Variants in FHIT observed in about 807,000 individuals in gnomAD.
FHIT encodes bis(5'-adenosyl)-triphosphatase.
In FHIT, 19 loss-of-function variants were observed where a neutral mutation model predicts 17.9. That is an observed-to-expected ratio of 1.06 (90% CI 0.74 to 1.56). The LOEUF is 1.56. FHIT is among the 40% of genes most tolerant of loss of function. The pLI, the probability that FHIT is intolerant of heterozygous loss-of-function variation, is 0.00. For missense variants in FHIT, 248 were observed against 189.2 expected (o/e 1.31, Z -1.82); for synonymous variants, 81 against 69.7 (o/e 1.16, Z -0.81).
chr3:60,459,936 G>C (rs888152824), intron 5 of FHIT, among the ~76,000 whole-genome samples: 3 of 152,082 alleles, frequency 2.0e-5, no homozygotes, highest in Non-Finnish European at 2.9e-5. Context: ...CTCTTAAAAA[G>C]GCTATGTACA....
chr3:60,685,283 G>A (rs1483562998), intron 4 of FHIT, among the ~76,000 whole-genome samples: 2 of 151,992 alleles, frequency 1.3e-5, no homozygotes, highest in African/African-American at 2.4e-5. Flanking sequence ...CTTTTCTCCC[G>A]CTGATCTGCC....
intron 5 of FHIT, among the ~76,000 whole-genome samples, chr3:60,505,199 C>A (rs887541311): frequency 6.6e-6 from 1 of 152,036 alleles, no homozygotes; most frequent in South Asian, 2.1e-4. Context: ...AAGGCTAAAC[C>A]AGGTCATCTA....
chr3:60,509,673 T>C (rs2034871200), intron 5 of FHIT, among the ~76,000 whole-genome samples: 2 of 152,234 alleles, frequency 1.3e-5, no homozygotes, highest in East Asian at 1.9e-4. Flanking sequence ...TTTAGTCCTC[T>C]AAGCACATTT....
intron 1 of FHIT, among the ~76,000 whole-genome samples, chr3:61,243,146 C>G (rs1299060734): frequency 6.6e-6 from 1 of 152,110 alleles, no homozygotes; most frequent in Non-Finnish European, 1.5e-5. Context: ...AAGTTAGATG[C>G]GGTTAGGTCA....
At chr3:61,060,678 C>G (rs549636694) in intron 2 of FHIT, among the ~76,000 whole-genome samples, 16 of 152,358 alleles carry the variant, frequency 1.1e-4, no homozygotes, top group Admixed American at 3.3e-4. Flanking sequence ...ATGACTGAGA[C>G]TTTGGCTTCT....
intron 5 of FHIT, among the ~76,000 whole-genome samples, chr3:60,031,084 T>C (rs530936317): frequency 2.4e-4 from 36 of 152,324 alleles, no homozygotes; most frequent in Non-Finnish European, 5.0e-4. Flanking sequence ...TGCAGCAGCA[T>C]GTGTGAAAAC....
At chr3:59,981,814 C>T (rs1307202312) in intron 7 of FHIT, among the ~76,000 whole-genome samples, 2 of 151,948 alleles carry the variant, frequency 1.3e-5, no homozygotes, top group East Asian at 1.9e-4. Context: ...GCTCTGGAAT[C>T]GATATTAATC....
intron 5 of FHIT, among the ~76,000 whole-genome samples, chr3:60,286,601 C>T (rs1452013485): frequency 3.3e-5 from 5 of 152,114 alleles, no homozygotes; most frequent in East Asian, 1.9e-4. Context: ...AACAGAGTGG[C>T]CTCTGAATTT....
chr3:60,814,414 C>T (rs1276332917), intron 4 of FHIT, among the ~76,000 whole-genome samples: 6 of 152,086 alleles, frequency 3.9e-5, no homozygotes, highest in African/African-American at 7.2e-5. Flanking sequence ...CACGTCCACA[C>T]GTACCCAAAG....
chr3:60,425,751 A>G (rs1702638756), intron 5 of FHIT, among the ~76,000 whole-genome samples: 1 of 152,150 alleles, frequency 6.6e-6, no homozygotes, highest in Non-Finnish European at 1.5e-5. Flanking sequence ...AAGTAGTTAA[A>G]TCAGAATTAC....
At chr3:59,803,862 A>T (rs527898678) in intron 8 of FHIT, among the ~76,000 whole-genome samples, 4 of 152,002 alleles carry the variant, frequency 2.6e-5, no homozygotes, top group African/African-American at 9.7e-5. Context: ...GGCACAAAAA[A>T]CCCTGAACAT....
chr3:60,702,979 T>C (rs1553702604), intron 4 of FHIT, among the ~76,000 whole-genome samples: 2 of 152,202 alleles, frequency 1.3e-5, no homozygotes, highest in Non-Finnish European at 2.9e-5. Context: ...CAGTCCTCCA[T>C]AATTTATAGT....
chr3:61,098,573 C>T (rs79027025), intron 2 of FHIT, among the ~76,000 whole-genome samples: 1 of 152,216 alleles, frequency 6.6e-6, no homozygotes, highest in Non-Finnish European at 1.5e-5. Flanking sequence ...TTTATTCTTC[C>T]TATCCATGAG....
At chr3:60,823,283 G>A (rs1478405769) in intron 3 of FHIT, among the ~76,000 whole-genome samples, 1 of 152,094 alleles carries the variant, frequency 6.6e-6, no homozygotes, top group African/African-American at 2.4e-5. Flanking sequence ...GAGTACTATG[G>A]GTTGAATTCT....
chr3:60,743,382 C>G (rs11914567), intron 4 of FHIT, among the ~76,000 whole-genome samples: 1 of 152,002 alleles, frequency 6.6e-6, no homozygotes, highest in Admixed American at 6.6e-5. Context: ...TGTTGAACTG[C>G]TATTATGCAG....
At chr3:60,454,195 A>C (rs1339890433) in intron 5 of FHIT, among the ~76,000 whole-genome samples, 2 of 152,138 alleles carry the variant, frequency 1.3e-5, no homozygotes, top group African/African-American at 4.8e-5. Context: ...GAAAGCAACC[A>C]TAAAGCAACT....
chr3:59,946,864 A>G (rs1706832163), intron 7 of FHIT, among the ~76,000 whole-genome samples: 1 of 152,216 alleles, frequency 6.6e-6, no homozygotes, highest in Non-Finnish European at 1.5e-5. Context: ...GATAAAGCCT[A>G]CTTGATCATA....
intron 5 of FHIT, among the ~76,000 whole-genome samples, chr3:60,366,969 G>A (rs377274884): frequency 1.3e-5 from 2 of 152,236 alleles, no homozygotes; most frequent in African/African-American, 4.8e-5. Context: ...ATATCCATCT[G>A]ATAGATTCAA....
chr3:60,420,212 C>T (rs2107260808), intron 5 of FHIT, among the ~76,000 whole-genome samples: 1 of 152,256 alleles, frequency 6.6e-6, no homozygotes, highest in South Asian at 2.1e-4. Flanking sequence ...TGCATATTTC[C>T]TGTAACTTGC....
Sources: gnomAD v4.1 joint callset for allele counts (sites outside exome capture counted in the v4.1 genomes callset) on GRCh38, gnomAD v4.1.1 for gene constraint, MANE v1.5 for transcripts, NCBI Gene and HGNC (gene_info 2026-07-23, HGNC 2026-07-21) for gene names.